The following WDR45 variants were observed in gnomAD, a reference collection of about 807,000 sequenced individuals.
WDR45 encodes the protein WD repeat domain phosphoinositide-interacting protein 4.
Under a neutral mutation model 27.3 loss-of-function variants are expected in WDR45, and 2 were observed. That is an observed-to-expected ratio of 0.07 (90% CI 0.03 to 0.23). The LOEUF is 0.23. WDR45 is among the 10% of genes least tolerant of loss of function. The pLI is 1.00. For missense variants in WDR45, 175 were observed against 311.9 expected, an observed-to-expected ratio of 0.56 and a Z score of 3.31; for synonymous variants, 99 against 119.2, an observed-to-expected ratio of 0.83 and a Z score of 1.11.
At chrX:49,100,417 T>C (rs782729187) in exon 2 of WDR45, 1 of 110,566 alleles carries the variant, frequency 9.0e-6, no homozygotes, top group East Asian at 2.9e-4. Context: ...TGTATTTTTT[T>C]AGTAGAGACG....
intron 2 of WDR45, among the ~76,000 whole-genome samples, chrX:49,097,330 GTT>G (rs782550987): frequency 4.4e-5 from 4 of 91,822 alleles, no homozygotes; most frequent in African/African-American, 8.0e-5. Context: ...CCAGCTAATT[GTT>G]TTTTTTTTTT....
At chrX:49,081,836 T>A (rs1046328813), upstream of WDR45, among the ~76,000 whole-genome samples, 1 of 97,410 alleles carries the variant, frequency 1.0e-5, no homozygotes, top group East Asian at 3.3e-4. Flanking sequence ...TACAAAAAAT[T>A]AGCCGGGCGT....
chrX:49,079,479 A>C (rs1280372886), intron 1 of WDR45: 1 of 110,273 alleles, frequency 9.1e-6, no homozygotes, highest in East Asian at 2.9e-4. Flanking sequence ...CCCATCCTCC[A>C]AGAGTCCAAA....
In WDR45 at chrX:49,074,598, T is replaced by C; in HGVS notation, c.*205A>G. The stretch of plus-strand genomic sequence containing the variant: ...CCCAAGGGGTCGCTGCCTTCCTGGG[T>C]CTCTGGCCTGGCCCTTGGGGCACAC... On this transcript the variant is annotated 3_prime_UTR_variant, in exon 11 of 11. Coordinates refer to ENST00000376372, the MANE Select transcript of WDR45 (RefSeq NM_001029896.2). 1 of 421,969 alleles carries C rather than the reference T, an allele frequency of 2.4e-6. No individual in the cohort carries two copies. Among genetic ancestry groups the C allele is most frequent in the Non-Finnish European group, 4.1e-6 (1 of 243,270 alleles). 34.8% of individuals were successfully genotyped at this position (421,969 alleles called of 1,213,427 possible). A position where few individuals can be genotyped will look rare whatever the true frequency, so the allele number is the denominator to read the frequency against.
chrX:49,076,679 T>C lies in WDR45; in HGVS notation c.307A>G (p.Lys103Glu). ...EKLVLEFTFTKPVLSVRMRHD... is the reference protein window; with the variant it reads ...EKLVLEFTFTEPVLSVRMRHD... ...CGCATGCGCACAGAAAGCACTGGCT[T>C]GGTGAAGGTGAACTCCAGCACCAGC... Residue 103 changes from lysine to glutamate, a missense_variant, in exon 5 of 11, where the codon AAG becomes GAG. By Grantham distance (56) the Lys-to-Glu change is moderately conservative. Transcript: ENST00000376372. The C allele has an allele frequency of 8.3e-7, 1 of 1,209,461 alleles. No individual in the cohort carries two copies. The highest frequency in any genetic ancestry group is 2.2e-5 in the Admixed American group (1 of 45,746).
chrX:49,100,905 C>T (rs2065143443), intron 1 of WDR45: 2 of 112,937 alleles, frequency 1.8e-5, no homozygotes, highest in African/African-American at 6.4e-5. Flanking sequence ...CTCAAAGCCA[C>T]ACTTTCCGGA....
At chrX:49,099,681 T>A (rs782755669) in intron 2 of WDR45, among the ~76,000 whole-genome samples, 2 of 108,665 alleles carry the variant, frequency 1.8e-5, no homozygotes, top group African/African-American at 6.8e-5. Flanking sequence ...CTCAGGAGGC[T>A]GAGGCAGGAG....
rs1557083816 is a variant in WDR45, at chrX:49,074,824, G to T, written c.1062C>A (p.Ile354=). Residue 354 remains isoleucine, a synonymous_variant, in exon 11 of 11, where the codon ATC becomes ATA. Coordinates refer to ENST00000376372, the MANE Select transcript of WDR45 (RefSeq NM_001029896.2). ...NREAFDVYLD[I]CDDDDF ...GTCCTTAAAAGTCATCATCATCACAGATGTCAAGGTACACGTCGAAAGCCT... is the reference window on the plus strand; with the variant it reads ...GTCCTTAAAAGTCATCATCATCACATATGTCAAGGTACACGTCGAAAGCCT... The T allele has an allele frequency of 1.7e-6, 2 of 1,210,478 alleles. No individual in the cohort carries two copies. Among genetic ancestry groups the T allele is most frequent in the Admixed American group, 4.3e-5 (2 of 46,083 alleles).
chrX:49,080,595 A>T (rs2065062170), upstream of WDR45, among the ~76,000 whole-genome samples: 1 of 109,861 alleles, frequency 9.1e-6, no homozygotes, highest in Admixed American at 9.7e-5. Context: ...GGCGTGCGCC[A>T]CCACGCCCAT....
In WDR45 at chrX:49,075,253, T is replaced by C. The variant is rs1602537557; in HGVS notation, c.856A>G (p.Met286Val). ...TGAGAGTCCACGTACTGCCCAATCA[T>C]AGGCCCCACCTTGCCCACGCGAGCC... ...ALARVGKVGP[M>V]IGQYVDSQWS... Residue 286 changes from methionine to valine, a missense_variant, in exon 10 of 11, where the codon ATG (methionine) becomes GTG (valine). Transcript: ENST00000376372. The C allele has an allele frequency of 2.5e-6, 3 of 1,210,817 alleles. No individual in the cohort carries two copies. In the East Asian group the frequency reaches 8.9e-5, roughly 36 times the overall value.
At position 49,096,096 on chromosome X, in the gene WDR45, T is replaced by C. The variant is rs138706298; in HGVS notation, c.-18+4109A>G. 4.1e-3 allele frequency among the ~76,000 whole-genome samples: 455 copies of C among 109,962 alleles called. 2 individuals carry two copies. The highest frequency in any genetic ancestry group is 0.015 in the African/African-American group (442 of 30,261). ...GTTTTACATTATTAAGCTATCCATGTTCTCTTGGGAACTGAACTTTTTTTC... is the reference window on the plus strand; with the variant it reads ...GTTTTACATTATTAAGCTATCCATGCTCTCTTGGGAACTGAACTTTTTTTC... On this transcript the variant is annotated intron_variant, in intron 2 of 11. Coordinates refer to the WDR45 transcript ENST00000356463.
intron 2 of WDR45, among the ~76,000 whole-genome samples, chrX:49,095,676 G>A (rs1350847113): frequency 9.5e-6 from 1 of 105,644 alleles, no homozygotes; most frequent in Non-Finnish European, 1.9e-5. Flanking sequence ...TAGCCAGGAT[G>A]GTCTCGATCT....
At chrX:49,091,013 C>T (rs1169899495) in intron 2 of WDR45, among the ~76,000 whole-genome samples, 2 of 110,477 alleles carry the variant, frequency 1.8e-5, no homozygotes, top group East Asian at 5.8e-4. Context: ...TTAGTAGAGG[C>T]GGGGTTTCAC....
chrX:49,083,714 G>A (rs1021812667), upstream of WDR45, among the ~76,000 whole-genome samples: 10 of 109,680 alleles, frequency 9.1e-5, no homozygotes, highest in Non-Finnish European at 1.9e-4. Flanking sequence ...TTGGGAGGGC[G>A]AGGTGGGCGG....
chrX:49,076,926 A>T (rs2065041673), intron 4 of WDR45, 176 bp from the exon 5 acceptor site: 1 of 454,414 alleles, frequency 2.2e-6, no homozygotes, highest in Admixed American at 3.5e-5. Flanking sequence ...CCCTGAGAGG[A>T]GTGTTCTAGA....
chrX:49,089,446 G>A (rs2065096991), intron 2 of WDR45, among the ~76,000 whole-genome samples: 1 of 110,359 alleles, frequency 9.1e-6, no homozygotes, highest in African/African-American at 3.3e-5. Context: ...CCAGGCTGGA[G>A]TGCAGTGGTG....
chrX:49,077,560 T>G (rs782592446), intron 4 of WDR45, 83 bp downstream of exon 4: 6 of 881,202 alleles, frequency 6.8e-6, no homozygotes, highest in Non-Finnish European at 8.2e-6. Flanking sequence ...CTCTGACGTC[T>G]TCATCTGCCA....
At chrX:49,086,525 T>TGA (rs1557085924) in intron 2 of WDR45, among the ~76,000 whole-genome samples, 3 of 111,623 alleles carry the variant, frequency 2.7e-5, no homozygotes, top group Non-Finnish European at 3.8e-5. Context: ...GAGATGCTCC[T>TGA]TTCTCTCTGG....
chrX:49,092,813 C>T (rs1017131607), intron 2 of WDR45, among the ~76,000 whole-genome samples: 44 of 112,477 alleles, frequency 3.9e-4, no homozygotes, highest in Non-Finnish European at 3.7e-5. Flanking sequence ...CAATTTAAAG[C>T]ATCTTACAGC....
Sources: allele counts gnomAD v4.1 joint callset (sites outside exome capture counted in the v4.1 genomes callset), GRCh38; gene constraint gnomAD v4.1.1; transcripts MANE v1.5; gene names NCBI Gene and HGNC (gene_info 2026-07-23, HGNC 2026-07-21).